Variants in PRKAR1B observed in about 807,000 individuals in gnomAD.
PRKAR1B encodes the protein cAMP-dependent protein kinase type I-beta regulatory subunit.
In PRKAR1B, 22 loss-of-function variants were observed where a neutral mutation model predicts 46.5. The ratio of observed to expected loss-of-function variants is 0.47; its 90% CI spans 0.34 to 0.68. The LOEUF (loss-of-function observed/expected upper bound fraction) is 0.68, where lower values mean the gene tolerates loss of function less well. Ranked by LOEUF, PRKAR1B falls within the 30% of genes least tolerant of loss-of-function variation. The pLI, the probability that PRKAR1B is intolerant of heterozygous loss-of-function variation, is 0.01. For synonymous variants in PRKAR1B, 259 were observed against 217.7 expected (o/e 1.19, Z -1.67); for missense variants, 445 against 535.6 (o/e 0.83, Z 1.67).
At chr7:626,886 T>C (rs1783431772) in intron 4 of PRKAR1B, among the ~76,000 whole-genome samples, 1 of 151,834 alleles carries the variant, frequency 6.6e-6, no homozygotes, top group Admixed American at 6.6e-5. Flanking sequence ...TTTTTATTTA[T>C]TTATTTATTA....
At chr7:612,359 CAGGTGGGTGGATGTACAAGT>C (rs1782569292) in intron 4 of PRKAR1B, among the ~76,000 whole-genome samples, 1 of 131,290 alleles carries the variant, frequency 7.6e-6, no homozygotes, top group Admixed American at 8.0e-5. Context: ...GATGGATGGA[CAGGTGGGTGGATGTACAAGT>C]GGGTGGGTGG....
chr7:687,558 C>A (rs1160435764), intron 2 of PRKAR1B, among the ~76,000 whole-genome samples: 1 of 152,162 alleles, frequency 6.6e-6, no homozygotes, highest in East Asian at 1.9e-4. Flanking sequence ...CAGAAAAGTG[C>A]TGAAGAGCAT....
At chr7:660,090 C>A (rs1006287690) in intron 4 of PRKAR1B, among the ~76,000 whole-genome samples, 2 of 151,988 alleles carry the variant, frequency 1.3e-5, no homozygotes, top group South Asian at 4.1e-4. Context: ...ATCCCCTACT[C>A]GGAGTCAGTG....
rs113579515 is a variant in PRKAR1B, at chr7:568,052, C to T, written c.891+11204G>A. 2.4e-3 allele frequency among the ~76,000 whole-genome samples: 371 copies of T among 152,310 alleles called. 1 individual carries two copies. The highest frequency in any genetic ancestry group is 8.8e-3 in the African/African-American group (365 of 41,566). On this transcript the variant is annotated intron_variant, in intron 9 of 10. Transcript: ENST00000537384. ...ATTTCACGTTATCTGTATTTTATCA[C>T]AATTTTTAAAAACAAAACATTTTTA...
chr7:672,316 T>A (rs1410972255), intron 4 of PRKAR1B, among the ~76,000 whole-genome samples: 1 of 151,956 alleles, frequency 6.6e-6, no homozygotes, highest in African/African-American at 2.4e-5. Context: ...GTGCTCAGCC[T>A]AATTTTTGTA....
chr7:724,669 A>G (rs1562367216), intron 1 of PRKAR1B, among the ~76,000 whole-genome samples: 2 of 152,332 alleles, frequency 1.3e-5, no homozygotes, highest in East Asian at 3.9e-4. Flanking sequence ...GGAAGCCTTA[A>G]AAGTCTAGTT....
chr7:595,872 A>G (rs1007824591), intron 7 of PRKAR1B, among the ~76,000 whole-genome samples: 2 of 152,150 alleles, frequency 1.3e-5, no homozygotes, highest in Admixed American at 1.3e-4. Context: ...TCCTGGCCCA[A>G]CATGGCAGCT....
chr7:596,183 C>T lies in PRKAR1B; in HGVS notation c.671G>A (p.Trp224Ter). The part of the protein sequence containing the change: ...TVKAKTDLKL[W>*]GIDRDSYRRI... ...CCGGTAGCTGTCCCGGTCGATCCCC[C>T]AGAGCTTGAGGTCCGTCTTGGCTTT... Residue 224 changes from tryptophan (W) to a stop codon, truncating the protein, a stop_gained, in exon 7 of 11, where the codon TGG (tryptophan) becomes TAG (stop). Coordinates refer to ENST00000537384, the MANE Select transcript of PRKAR1B (RefSeq NM_001164760.2). LOFTEE classifies it high-confidence loss of function. The T allele has an allele frequency of 1.2e-6, 2 of 1,614,002 alleles. No individual in the cohort carries two copies. Among genetic ancestry groups the T allele is most frequent in the Non-Finnish European group, 1.7e-6 (2 of 1,179,964 alleles).
chr7:624,046 C>T (rs971979976), intron 4 of PRKAR1B, among the ~76,000 whole-genome samples: 3 of 152,190 alleles, frequency 2.0e-5, no homozygotes, highest in Non-Finnish European at 4.4e-5. Flanking sequence ...CCCAGATACC[C>T]ACGCCAGCCC....
At chr7:576,064 G>C (rs761052101) in intron 9 of PRKAR1B, among the ~76,000 whole-genome samples, 3 of 151,390 alleles carry the variant, frequency 2.0e-5, no homozygotes, top group Non-Finnish European at 4.4e-5. Context: ...TGTGCACACA[G>C]GCATCCTCTC....
At chr7:636,692 T>A (rs1784127909) in intron 4 of PRKAR1B, among the ~76,000 whole-genome samples, 1 of 152,284 alleles carries the variant, frequency 6.6e-6, no homozygotes, top group Admixed American at 6.5e-5. Context: ...ACAGAAGCAT[T>A]TCCACCCTCA....
chr7:728,291 C>T (rs992337076), upstream of PRKAR1B, among the ~76,000 whole-genome samples: 2 of 152,246 alleles, frequency 1.3e-5, no homozygotes, highest in East Asian at 3.9e-4. Context: ...AATCCGTGGG[C>T]GGTAGGGAGC....
At chr7:620,482 C>T (rs1012423316) in intron 4 of PRKAR1B, among the ~76,000 whole-genome samples, 2 of 152,186 alleles carry the variant, frequency 1.3e-5, no homozygotes, top group African/African-American at 4.8e-5. Flanking sequence ...CTGCACCCAC[C>T]CAGCCCCTTG....
chr7:591,268 C>T (rs997860129), intron 7 of PRKAR1B, among the ~76,000 whole-genome samples: 3 of 152,232 alleles, frequency 2.0e-5, no homozygotes, highest in Admixed American at 1.3e-4. Context: ...AGCTGGCCTC[C>T]GAGCTGGCCG....
At chr7:616,121 G>A (rs553229685) in intron 4 of PRKAR1B, among the ~76,000 whole-genome samples, 6 of 152,254 alleles carry the variant, frequency 3.9e-5, no homozygotes, top group Non-Finnish European at 8.8e-5. Context: ...GGGTGCACAC[G>A]CAGAACACAC....
intron 9 of PRKAR1B, among the ~76,000 whole-genome samples, chr7:576,006 C>T (rs949692758): frequency 6.6e-6 from 1 of 151,310 alleles, no homozygotes; most frequent in African/African-American, 2.4e-5. Context: ...CTGCTCTGCA[C>T]ATGGGTGGGT....
chr7:680,819 G>T, intron 2 of PRKAR1B, 93 bp from the exon 3 acceptor site: 3 of 1,403,452 alleles, frequency 2.1e-6, no homozygotes, highest in Non-Finnish European at 2.0e-6. Context: ...CACTGTGGGA[G>T]GACTAGTGGG....
rs1011287806 is a variant in PRKAR1B at position 593,685 on chromosome 7, C to T, written c.708+2461G>A. Among the ~76,000 whole-genome samples the T allele has an allele frequency of 2.0e-5, 3 of 152,190 alleles. No individual in the cohort carries two copies. Among genetic ancestry groups the T allele is most frequent in the Admixed American group, 1.3e-4 (2 of 15,288 alleles). On this transcript the variant is annotated intron_variant, in intron 7 of 10. Transcript: ENST00000537384. The surrounding 1 kb of genome is among the most constrained non-coding windows in gnomAD (Gnocchi z 6.1). Reference sequence around the variant, plus strand: ...AGGGTGTCTCAGGGGACCCCTCCCACGCGGCGACAGAGGCCTCCCAGTGAA... The same window carrying T: ...AGGGTGTCTCAGGGGACCCCTCCCATGCGGCGACAGAGGCCTCCCAGTGAA...
intron 1 of PRKAR1B, chr7:716,472 G>T (rs1780888730): frequency 6.6e-6 from 1 of 152,146 alleles, no homozygotes. Context: ...ATTCCCTAAG[G>T]CGCCAGCACT....
Sources: gnomAD v4.1 joint callset for allele counts (sites outside exome capture counted in the v4.1 genomes callset) on GRCh38, gnomAD v4.1.1 for gene constraint, Gnocchi (gnomAD v3.1) non-coding constraint, MANE v1.5 for transcripts, NCBI Gene and HGNC (gene_info 2026-07-23, HGNC 2026-07-21) for gene names.